Variants in MZT1 observed in about 807,000 individuals in gnomAD.
MZT1 encodes the protein mitotic-spindle organizing protein 1.
MZT1 carries 8 observed loss-of-function variants against 8.5 expected under a neutral mutation model. The ratio of observed to expected loss-of-function variants is 0.94; its 90% CI spans 0.55 to 1.70. MZT1 has a LOEUF of 1.70. Among genes scored for constraint, MZT1 ranks in the 40% most tolerant of loss-of-function variants. The probability of loss-of-function intolerance (pLI) is 0.00; values close to 1 mark genes in which losing one functional copy is unlikely to be tolerated. For synonymous variants in MZT1, 38 were observed against 42.0 expected (o/e 0.90, Z 0.37); for missense variants, 93 against 108.6 (o/e 0.86, Z 0.64).
rs117526811 is a variant in MZT1 at position 72,715,714 on chromosome 13, A to G, written c.225+3238T>C. 7.7e-3 allele frequency among the ~76,000 whole-genome samples: 1,175 copies of G among 152,218 alleles called. 15 individuals carry two copies. Among genetic ancestry groups the G allele is most frequent in the Middle Eastern group, 0.014 (4 of 294 alleles). On this transcript the variant is annotated intron_variant, in intron 2 of 2. Transcript: ENST00000377818. The stretch of plus-strand genomic sequence containing the variant: ...GTGAATTCTTAAGAGTTATGGTTAC[A>G]TAAAACTGTGGCACCTCACTCTCTC...
chr13:72,723,971 G>C (rs1371404604), intron 1 of MZT1, among the ~76,000 whole-genome samples: 13 of 152,218 alleles, frequency 8.5e-5, no homozygotes, highest in Non-Finnish European at 4.4e-5. Context: ...GACATCAAAA[G>C]TGAGTAGAAA....
chr13:72,712,105 TTA>T (rs2032494148), intron 2 of MZT1, among the ~76,000 whole-genome samples: 1 of 152,214 alleles, frequency 6.6e-6, no homozygotes, highest in Non-Finnish European at 1.5e-5. Context: ...TTCATAAAAA[TTA>T]TAGAGATTAT....
At chr13:72,727,488 G>A in intron 1 of MZT1, 36 bp downstream of exon 1, 1 of 1,604,322 alleles carries the variant, frequency 6.2e-7, no homozygotes, top group Non-Finnish European at 8.5e-7. Context: ...GCTCTGGGAA[G>A]GCACGCAAGG....
At chr13:72,727,482 T>A (rs1444235017) in intron 1 of MZT1, 42 bp downstream of exon 1, 3 of 1,599,502 alleles carry the variant, frequency 1.9e-6, no homozygotes, top group Non-Finnish European at 2.6e-6. Flanking sequence ...GCCTTGGCTC[T>A]GGGAAGGCAC....
At position 72,722,580 on chromosome 13, in the gene MZT1, T is replaced by C. The variant is rs534555609; in HGVS notation, c.80-3483A>G. On this transcript the variant is annotated intron_variant, in intron 1 of 2. Transcript: ENST00000377818. ...CATTCTAAGATAGGAAGCCGTACCCTAGCTTTAGGCCTCTAGATCAGGCCT... is the reference window on the plus strand; with the variant it reads ...CATTCTAAGATAGGAAGCCGTACCCCAGCTTTAGGCCTCTAGATCAGGCCT... Among the ~76,000 whole-genome samples the C allele has an allele frequency of 3.0e-4, 46 of 152,312 alleles. 3 individuals carry two copies. Among genetic ancestry groups the C allele is most frequent in the African/African-American group, 1.0e-3 (43 of 41,572 alleles).
intron 1 of MZT1, among the ~76,000 whole-genome samples, chr13:72,724,495 A>C (rs879273752): frequency 1.8e-4 from 27 of 148,744 alleles, no homozygotes; most frequent in Admixed American, 2.7e-4. Context: ...AGTCAAATGG[A>C]ATCTATATAC....
intron 2 of MZT1, among the ~76,000 whole-genome samples, chr13:72,712,796 T>C (rs764555242): frequency 6.6e-6 from 1 of 152,210 alleles, no homozygotes; most frequent in Non-Finnish European, 1.5e-5. Context: ...GGTTCTCTTA[T>C]ATGCACTCAA....
chr13:72,712,365 G>A (rs1361542661), intron 2 of MZT1, among the ~76,000 whole-genome samples: 1 of 152,168 alleles, frequency 6.6e-6, no homozygotes, highest in Admixed American at 6.5e-5. Context: ...TGTTGCCCAA[G>A]GCAGTCTTAA....
chr13:72,719,109 T>TAAAAAAAAAAA lies in MZT1; in HGVS notation c.80-13_80-12insTTTTTTTTTTT. 1 of 1,338,080 alleles carries TAAAAAAAAAAA rather than the reference T, an allele frequency of 7.5e-7. No homozygotes were observed. The highest frequency in any genetic ancestry group is 9.6e-7 in the Non-Finnish European group (1 of 1,042,970). The allele number at this position is 1,338,080 out of a possible 1,614,324, so 82.9% of individuals were successfully genotyped here. ...AATCTCAAGCAGAACTGAAAAAAGATACAAAAAAAAAAAAAACTTAAGGCT... is the reference window on the plus strand; with the variant it reads ...AATCTCAAGCAGAACTGAAAAAAGATAAAAAAAAAAAACAAAAAAAAAAAAAACTTAAGGCT... On this transcript the variant is annotated splice_polypyrimidine_tract_variant and intron_variant, in intron 1 of 2. Coordinates refer to ENST00000377818, the MANE Select transcript of MZT1 (RefSeq NM_001071775.3).
chr13:72,718,504 C>T (rs1260420312), intron 2 of MZT1, among the ~76,000 whole-genome samples: 2 of 151,102 alleles, frequency 1.3e-5, no homozygotes, highest in Non-Finnish European at 2.9e-5. Context: ...TAGACGGAGT[C>T]TCACTCTGTC....
At position 72,709,474 on chromosome 13, in the gene MZT1, G is replaced by C. The variant is rs1472630941; in HGVS notation, c.*848C>G. ...CTAAAATTACTTTTATGTAATAAAA[G>C]TAAATAGGAATTTTGCATGTTTGTT... On this transcript the variant is annotated 3_prime_UTR_variant, in exon 3 of 3. Transcript: ENST00000377818. The C allele has an allele frequency of 1.3e-5, 2 of 151,934 alleles. No individual in the cohort carries two copies. Among genetic ancestry groups the C allele is most frequent in the Non-Finnish European group, 2.9e-5 (2 of 67,880 alleles). 9.4% of individuals were successfully genotyped at this position (151,934 alleles called of 1,614,324 possible). A position where few individuals can be genotyped will look rare whatever the true frequency, so the allele number is the denominator to read the frequency against.
intron 1 of MZT1, among the ~76,000 whole-genome samples, chr13:72,724,790 G>A (rs1225576647): frequency 8.3e-5 from 11 of 131,856 alleles, no homozygotes; most frequent in Admixed American, 2.5e-4. Context: ...AGTGGCTCAC[G>A]CCTATAATCC....
chr13:72,724,739 T>C (rs554074329), intron 1 of MZT1, among the ~76,000 whole-genome samples: 1,047 of 41,270 alleles, frequency 0.025, 89 homozygotes, highest in African/African-American at 0.053. Flanking sequence ...TATATATATA[T>C]ACACATATAT....
intron 1 of MZT1, among the ~76,000 whole-genome samples, chr13:72,724,539 GTTT>G (rs201616341): frequency 9.0e-6 from 1 of 111,478 alleles, no homozygotes; most frequent in Non-Finnish European, 1.9e-5. Flanking sequence ...TCTATAACGT[GTTT>G]TTTTTTTTTT....
chr13:72,713,154 T>A (rs2032504230), intron 2 of MZT1, among the ~76,000 whole-genome samples: 1 of 152,168 alleles, frequency 6.6e-6, no homozygotes, highest in Non-Finnish European at 1.5e-5. Flanking sequence ...AGAGCCCAAG[T>A]TCAAATCTCA....
At position 72,709,950 on chromosome 13, in the gene MZT1, A is replaced by G. The variant is rs543996554; in HGVS notation, c.*372T>C. 1 of 194,008 alleles carries G rather than the reference A, an allele frequency of 5.2e-6. No homozygotes were observed. The highest frequency in any genetic ancestry group is 1.4e-4 in the South Asian group (1 of 7,132). 12.0% of individuals were successfully genotyped at this position (194,008 alleles called of 1,614,324 possible). A position where few individuals can be genotyped will look rare whatever the true frequency, so the allele number is the denominator to read the frequency against. ...GAAATGTCAACAAGTCATAACTACT[A>G]CACATTACTACTGATGGGTTCCACT... is the stretch of plus-strand genomic sequence containing the variant. On this transcript the variant is annotated 3_prime_UTR_variant, in exon 3 of 3. Coordinates refer to ENST00000377818, the MANE Select transcript of MZT1 (RefSeq NM_001071775.3).
At chr13:72,716,066 G>A (rs917530094) in intron 2 of MZT1, among the ~76,000 whole-genome samples, 1 of 151,844 alleles carries the variant, frequency 6.6e-6, no homozygotes, top group Non-Finnish European at 1.5e-5. Context: ...TACAGTGCCT[G>A]CCATAATGCC....
chr13:72,715,099 T>C (rs2064062315), intron 2 of MZT1, among the ~76,000 whole-genome samples: 1 of 152,202 alleles, frequency 6.6e-6, no homozygotes, highest in African/African-American at 2.4e-5. Context: ...GGCTTAACCC[T>C]GTAAAGCCAC....
chr13:72,718,934 C>A lies in MZT1; in HGVS notation c.225+18G>T. 1 of 1,555,064 alleles carries A rather than the reference C, an allele frequency of 6.4e-7. No individual in the cohort carries two copies. The highest frequency in any genetic ancestry group is 2.3e-5 in the East Asian group (1 of 43,584). On this transcript the variant is annotated intron_variant, in intron 2 of 2. Transcript: ENST00000377818. ...TAAAAGCATCTTTATTTAGAATGAA[C>A]TAATAGGAATCTCCAACCTTCAGTG... is the stretch of plus-strand genomic sequence containing the variant.
Sources: allele counts gnomAD v4.1 joint callset (sites outside exome capture counted in the v4.1 genomes callset), GRCh38; gene constraint gnomAD v4.1.1; transcripts MANE v1.5; gene names NCBI Gene and HGNC (gene_info 2026-07-23, HGNC 2026-07-21).